AP4S1: variants seen among roughly 807,000 people sequenced by gnomAD.
AP4S1 encodes adaptor related protein complex 4 subunit sigma 1, also known as AP-4 complex subunit sigma-1.
AP4S1 carries 23 observed loss-of-function variants against 19.8 expected under a neutral mutation model. The observed-to-expected ratio is 1.16, with a 90% confidence interval of 0.84 to 1.65. AP4S1 has a LOEUF of 1.65. Ranked by LOEUF, AP4S1 falls within the 40% of genes most tolerant of loss-of-function variation. The pLI, the probability that AP4S1 is intolerant of heterozygous loss-of-function variation, is 0.00. For missense variants in AP4S1, 166 were observed against 172.8 expected (o/e 0.96, Z 0.22); for synonymous variants, 46 against 54.1 (o/e 0.85, Z 0.66).
At position 31,025,778 on chromosome 14, in the gene AP4S1, A is replaced by G; in HGVS notation, c.-81A>G. On this transcript the variant is annotated 5_prime_UTR_variant, in exon 1 of 6. An upstream open reading frame in the 5' UTR loses its in-frame stop. Coordinates refer to ENST00000542754, the MANE Select transcript of AP4S1 (RefSeq NM_001128126.3). ...CCGTTGAGAGGACCATCACAACCTG[A>G]GCAGCACAGGTAGGTTCCGCTCGGC... 1 of 1,322,634 alleles carries G rather than the reference A, an allele frequency of 7.6e-7. No individual in the cohort carries two copies. Among genetic ancestry groups the G allele is most frequent in the African/African-American group, 1.5e-5 (1 of 68,140 alleles). The allele number at this position is 1,322,634 out of a possible 1,614,324, so 81.9% of individuals were successfully genotyped here.
At chr14:31,027,743 T>C (rs1299074592) in intron 1 of AP4S1, among the ~76,000 whole-genome samples, 1 of 152,186 alleles carries the variant, frequency 6.6e-6, no homozygotes, top group Non-Finnish European at 1.5e-5. Context: ...AGTGGGTACT[T>C]TTATGTGCTT....
At chr14:31,087,673 T>A (rs11156657) in intron 5 of AP4S1, among the ~76,000 whole-genome samples, 74,107 of 151,952 alleles carry the variant, frequency 0.49, 18,971 homozygotes, top group African/African-American at 0.65. Flanking sequence ...ACATATTTTT[T>A]AAAAATTAAT....
chr14:31,059,943 A>ATATT (rs909451929), intron 1 of AP4S1, among the ~76,000 whole-genome samples: 3 of 146,706 alleles, frequency 2.0e-5, no homozygotes, highest in South Asian at 4.2e-4. Flanking sequence ...ATATATATAT[A>ATATT]TATTTATTTA....
intron 1 of AP4S1, chr14:31,026,567 C>G (rs945817595): frequency 5.6e-6 from 1 of 180,088 alleles, no homozygotes; most frequent in Non-Finnish European, 1.2e-5. Context: ...GAACGCAGCC[C>G]GGGTCGCCGT....
In AP4S1 at chr14:31,073,161, G is replaced by A. The variant is rs1334941252; in HGVS notation, c.294+188G>A. 5.0e-6 allele frequency: 3 copies of A among 598,136 alleles called. No individual in the cohort carries two copies. In the Admixed American group the frequency reaches 8.8e-5, roughly 18 times the overall value. The allele number at this position is 598,136 out of a possible 1,614,324, so 37.1% of individuals were successfully genotyped here. A position where few individuals can be genotyped will look rare whatever the true frequency, so the allele number is the denominator to read the frequency against. On this transcript the variant is annotated intron_variant, in intron 4 of 5. Coordinates refer to ENST00000542754, the MANE Select transcript of AP4S1 (RefSeq NM_001128126.3). ...TCCAAAGTGTTACAAGCCTATACATGCCTGAGATCTTTATAAAGAACTGGA... is the reference window on the plus strand; with the variant it reads ...TCCAAAGTGTTACAAGCCTATACATACCTGAGATCTTTATAAAGAACTGGA...
At chr14:31,060,643 A>G (rs1453283845) in intron 1 of AP4S1, among the ~76,000 whole-genome samples, 1 of 152,184 alleles carries the variant, frequency 6.6e-6, no homozygotes, top group Non-Finnish European at 1.5e-5. Context: ...AGAAAAAAAT[A>G]CTTGCTGGTT....
At chr14:31,040,115 A>T (rs895190946) in intron 1 of AP4S1, among the ~76,000 whole-genome samples, 2 of 149,902 alleles carry the variant, frequency 1.3e-5, no homozygotes, top group East Asian at 4.0e-4. Context: ...CTTGTCAGAG[A>T]TATAGTTTGT....
intron 1 of AP4S1, among the ~76,000 whole-genome samples, chr14:31,056,899 C>G (rs2139524855): frequency 6.6e-6 from 1 of 152,188 alleles, no homozygotes; most frequent in Admixed American, 6.5e-5. Flanking sequence ...CAACTGGAAA[C>G]CCCGCCTTTA....
intron 4 of AP4S1, among the ~76,000 whole-genome samples, chr14:31,073,394 G>C (rs1362860234): frequency 7.4e-6 from 1 of 135,238 alleles, no homozygotes; most frequent in Non-Finnish European, 1.6e-5. Flanking sequence ...GGAGGCTGAG[G>C]CAGGAGAATG....
At chr14:31,084,634 C>T (rs1887830427) in intron 5 of AP4S1, 3 of 1,427,044 alleles carry the variant, frequency 2.1e-6, no homozygotes, top group Admixed American at 2.0e-5. Context: ...CTCTTCAGTT[C>T]CACTCCACCC....
chr14:31,026,710 G>A (rs948738061), intron 1 of AP4S1: 1 of 152,604 alleles, frequency 6.6e-6, no homozygotes, highest in Non-Finnish European at 1.5e-5. Flanking sequence ...AGGCTTCCTG[G>A]TTATCAGTTT....
At chr14:31,066,661 T>C (rs1455589195) in intron 2 of AP4S1, among the ~76,000 whole-genome samples, 1 of 152,282 alleles carries the variant, frequency 6.6e-6, no homozygotes, top group East Asian at 1.9e-4. Context: ...ATTCAGCCCT[T>C]GAAACTCTCA....
At chr14:31,053,556 A>T (rs551412397) in intron 1 of AP4S1, among the ~76,000 whole-genome samples, 4 of 151,176 alleles carry the variant, frequency 2.6e-5, no homozygotes, top group African/African-American at 9.7e-5. Flanking sequence ...ATGAATTCTA[A>T]ATTCTAAAAC....
chr14:31,063,633 G>A (rs1441330721), intron 1 of AP4S1, among the ~76,000 whole-genome samples: 2 of 152,066 alleles, frequency 1.3e-5, no homozygotes, highest in African/African-American at 4.8e-5. Context: ...CATGAAAAAC[G>A]AGGAAGACTG....
rs1447146290 is a variant in AP4S1 at position 31,049,450 on chromosome 14, T to A, written c.-71-16676T>A. On this transcript the variant is annotated intron_variant, in intron 1 of 5. Transcript: ENST00000542754. ...AAAAATATATATATATATATATATA[T>A]ATATATATATATGTATATATATGTA... Among the ~76,000 whole-genome samples the A allele has an allele frequency of 1.0e-3, 84 of 80,218 alleles. 2 individuals carry two copies. Among genetic ancestry groups the A allele is most frequent in the African/African-American group, 4.0e-3 (73 of 18,086 alleles). The allele number at this position is 80,218 out of a possible 152,430, so 52.6% of individuals were successfully genotyped here. A position where few individuals can be genotyped will look rare whatever the true frequency, so the allele number is the denominator to read the frequency against.
chr14:31,088,606 G>A (rs1887985067), intron 5 of AP4S1, among the ~76,000 whole-genome samples: 1 of 151,904 alleles, frequency 6.6e-6, no homozygotes. Flanking sequence ...TCAGGAGTTC[G>A]AGACCAGCCT....
chr14:31,032,858 C>T (rs1219664840), intron 1 of AP4S1: 1 of 152,138 alleles, frequency 6.6e-6, no homozygotes, highest in Non-Finnish European at 1.5e-5. Context: ...ATCTTGCTGA[C>T]TAGGTACCTG....
chr14:31,063,962 T>C (rs1886578251), intron 1 of AP4S1, among the ~76,000 whole-genome samples: 1 of 152,212 alleles, frequency 6.6e-6, no homozygotes, highest in African/African-American at 2.4e-5. Context: ...AAAACGTGAA[T>C]ACAATATTGT....
chr14:31,044,749 A>C (rs980928818), intron 1 of AP4S1, among the ~76,000 whole-genome samples: 7 of 151,650 alleles, frequency 4.6e-5, no homozygotes, highest in African/African-American at 1.7e-4. Context: ...TTTATTTTTA[A>C]TGAACCAGGC....
Sources: allele counts gnomAD v4.1 joint callset (sites outside exome capture counted in the v4.1 genomes callset), GRCh38; gene constraint gnomAD v4.1.1; transcripts MANE v1.5; gene names NCBI Gene and HGNC (gene_info 2026-07-23, HGNC 2026-07-21).